The following REN variants were observed in gnomAD, a reference collection of about 807,000 sequenced individuals.
The protein encoded by REN is renin, also known as angiotensin-forming enzyme.
REN carries 42 observed loss-of-function variants against 48.6 expected under a neutral mutation model. The observed-to-expected ratio is 0.86, with a 90% CI of 0.68 to 1.12. The LOEUF is 1.12. REN is among the 50% of genes most tolerant of loss of function. REN has a pLI of 0.00. For missense variants in REN, 443 were observed against 527.3 expected (o/e 0.84, Z 1.57); for synonymous variants, 196 against 204.6 (o/e 0.96, Z 0.36).
At position 204,162,201 on chromosome 1, in the gene REN, T is replaced by C. The variant is rs373643240; in HGVS notation, c.99-38A>G. On this transcript the variant is annotated intron_variant, in intron 1 of 9. Coordinates refer to ENST00000272190, the MANE Select transcript of REN (RefSeq NM_000537.4). Reference sequence around the variant, plus strand: ...GGAGGAAGCAAAAATAGAAAAGTGCTGTACCTCCACCACAGTGGTGGAGTC... The same window carrying C: ...GGAGGAAGCAAAAATAGAAAAGTGCCGTACCTCCACCACAGTGGTGGAGTC... 4.0e-5 allele frequency: 64 copies of C among 1,611,548 alleles called. 2 individuals carry two copies. The African/African-American group carries it at 4.5e-4, about 11-fold the overall frequency.
At position 204,161,839 on chromosome 1, in the gene REN, CT is replaced by C; in HGVS notation, c.249+173del. On this transcript the variant is annotated intron_variant, in intron 2 of 9. Transcript: ENST00000272190. ...GAATGGCCCCTGGATGCCTTCCTGT[CT>C]TCTGTGCTCAGGCTTTCCAGCTGGA... 1.3e-5 allele frequency among the ~76,000 whole-genome samples: 2 copies of C among 152,272 alleles called. 1 individual carries two copies. The highest frequency in any genetic ancestry group is 6.8e-3 in the Middle Eastern group (2 of 294).
At chr1:204,157,400 G>A in intron 5 of REN, 31 bp from the exon 6 acceptor site, 1 of 1,614,232 alleles carries the variant, frequency 6.2e-7, no homozygotes, top group South Asian at 1.1e-5. Context: ...CAGAAAGGAA[G>A]CTTCATTTCA....
At chr1:204,160,708 C>G in intron 3 of REN, 30 bp from the exon 4 acceptor site, 1 of 1,529,230 alleles carries the variant, frequency 6.5e-7, no homozygotes, top group Non-Finnish European at 9.1e-7. Flanking sequence ...TCAGGTTTGT[C>G]CAAGAGTGGC....
In REN at chr1:204,156,098, T is replaced by A. The variant is rs551933300; in HGVS notation, c.960+80A>T. On this transcript the variant is annotated intron_variant, in intron 8 of 9. Coordinates refer to ENST00000272190, the MANE Select transcript of REN (RefSeq NM_000537.4). This position sits in a 1 kb window ranked among gnomAD's most constrained non-coding sequence, Gnocchi z 4.2. ...GAACAAGCGAAGGCCTGAGATGGCC[T>A]CATTTGCCTGGGGGATTTGTGAGCC... The A allele has an allele frequency of 6.2e-7, 1 of 1,601,242 alleles. No individual in the cohort carries two copies. Among genetic ancestry groups the A allele is most frequent in the East Asian group, 2.2e-5 (1 of 44,806 alleles).
intron 2 of REN, 100 bp from the exon 3 acceptor site, chr1:204,161,515 A>T: frequency 8.3e-7 from 1 of 1,201,332 alleles, no homozygotes; most frequent in African/African-American, 1.6e-5. Context: ...GACTTGGCCC[A>T]GGCGAGGTCC....
intron 1 of REN, among the ~76,000 whole-genome samples, chr1:204,164,590 A>G (rs1418131760): frequency 1.6e-5 from 1 of 62,860 alleles, no homozygotes; most frequent in South Asian, 4.6e-4. Flanking sequence ...TTTTTTTTTT[A>G]CATAAGGTCT....
chr1:204,155,995 T>A (rs1658140600), intron 8 of REN, 77 bp from the exon 9 acceptor site: 1 of 1,448,296 alleles, frequency 6.9e-7, no homozygotes, highest in African/African-American at 1.4e-5. Context: ...GCTGGTGGCC[T>A]GGTCTCTCTG....
At chr1:204,159,369 C>G (rs753176377) in intron 5 of REN, 30 bp downstream of exon 5, 11 of 1,601,736 alleles carry the variant, frequency 6.9e-6, no homozygotes, top group Middle Eastern at 3.3e-4. Context: ...CCTGTCCCCC[C>G]ACCTCAGCCC....
At chr1:204,164,224 C>A (rs1022025755) in intron 1 of REN, among the ~76,000 whole-genome samples, 1 of 152,182 alleles carries the variant, frequency 6.6e-6, no homozygotes, top group East Asian at 1.9e-4. Flanking sequence ...TGCTCACAAC[C>A]CAGCAATTAC....
chr1:204,164,392 A>G (rs997261303), intron 1 of REN, among the ~76,000 whole-genome samples: 7 of 152,184 alleles, frequency 4.6e-5, no homozygotes, highest in Non-Finnish European at 1.0e-4. Context: ...GAGATGAGAC[A>G]TGTGAAAAGA....
In REN at chr1:204,155,013, G is replaced by T; in HGVS notation, c.*3C>A. The T allele has an allele frequency of 6.2e-7, 1 of 1,613,706 alleles. No individual in the cohort carries two copies. On this transcript the variant is annotated 3_prime_UTR_variant, in exon 10 of 10. Transcript: ENST00000272190. ...GCAGGGCCTGCCTGGGTGGCAGAGG[G>T]CCTCAGCGGGCCAAGGCGAAGCCAA...
At chr1:204,160,251 G>T (rs1658218460) in intron 4 of REN, among the ~76,000 whole-genome samples, 1 of 152,240 alleles carries the variant, frequency 6.6e-6, no homozygotes, top group Non-Finnish European at 1.5e-5. Context: ...GTGTAGCCCA[G>T]TCAGAGCTGG....
chr1:204,155,912 C>T lies in REN; in HGVS notation c.967G>A (p.Val323Met), dbSNP rs745900131. ...AGTGTAGGGCCCTCGTTACACTTCA[C>T]GACATACTGGGGTGGGGGGCAAAGA... ...GAKKRLFDYV[V>M]KCNEGPTLPD... Residue 323 changes from valine to methionine, a missense_variant, in exon 9 of 10, where the codon GTG becomes ATG. Physicochemically the swap from Val to Met is conservative, Grantham distance 21 (BLOSUM62 1). Transcript: ENST00000272190. 2.5e-6 allele frequency: 4 copies of T among 1,613,272 alleles called. No homozygotes were observed. Among genetic ancestry groups the T allele is most frequent in the Non-Finnish European group, 2.5e-6 (3 of 1,179,476 alleles).
chr1:204,155,617 A>C (rs2102310456), intron 9 of REN, among the ~76,000 whole-genome samples: 1 of 152,280 alleles, frequency 6.6e-6, no homozygotes, highest in East Asian at 1.9e-4. Flanking sequence ...ACTGAACCCC[A>C]GGTGCCACTT....
chr1:204,162,097 C>G lies in REN; in HGVS notation c.165G>C (p.Arg55Ser), dbSNP rs367565954. 3 of 1,614,088 alleles carry G rather than the reference C, an allele frequency of 1.9e-6. No individual in the cohort carries two copies. The highest frequency in any genetic ancestry group is 2.7e-5 in the African/African-American group (2 of 75,010). ...SLKERGVDMA[R>S]LGPEWSQPMK... Reference sequence around the variant, plus strand: ...TGGGTTGGCTCCACTCGGGACCAAGCCTGGCCATGTCCACACCTCGTTCCT... The same window carrying G: ...TGGGTTGGCTCCACTCGGGACCAAGGCTGGCCATGTCCACACCTCGTTCCT... The change falls in exon 2 of 10, where the codon AGG becomes AGC. Residue 55 changes from arginine to serine, a missense_variant. Coordinates refer to ENST00000272190, the MANE Select transcript of REN (RefSeq NM_000537.4).
intron 5 of REN, among the ~76,000 whole-genome samples, chr1:204,157,850 T>C (rs1188340905): frequency 1.3e-5 from 2 of 152,178 alleles, no homozygotes; most frequent in African/African-American, 4.8e-5. Flanking sequence ...TCTCTGGATG[T>C]TCCCTCCTTC....
rs1390596669 is a variant in REN, at chr1:204,164,592, A to G, written c.98+1604T>C. ...TTTTTTTTTTTTTTTTTTTTTTTACATAAGGTCTGGCTCTATCACCCAGGC... is the reference window on the plus strand; with the variant it reads ...TTTTTTTTTTTTTTTTTTTTTTTACGTAAGGTCTGGCTCTATCACCCAGGC... On this transcript the variant is annotated intron_variant, in intron 1 of 9. Transcript: ENST00000272190. Among the ~76,000 whole-genome samples the G allele has an allele frequency of 3.6e-5, 3 of 82,262 alleles. 1 individual carries two copies. Among genetic ancestry groups the G allele is most frequent in the East Asian group, 1.4e-3 (2 of 1,474 alleles). The allele number at this position is 82,262 out of a possible 152,430, so 54.0% of individuals were successfully genotyped here.
In REN at chr1:204,155,676, T is replaced by C. The variant is rs2102310479; in HGVS notation, c.1059+144A>G. ...ATGGGATGTGGCCCAGGTACCAGGA[T>C]TTTTCAAAGCTCTCCAGGTGACATG... On this transcript the variant is annotated intron_variant, in intron 9 of 9. Coordinates refer to ENST00000272190, the MANE Select transcript of REN (RefSeq NM_000537.4). The C allele has an allele frequency of 4.2e-6, 3 of 720,034 alleles. No individual in the cohort carries two copies. The South Asian group carries it at 4.7e-5, about 11-fold the overall frequency. The allele number at this position is 720,034 out of a possible 1,614,324, so 44.6% of individuals were successfully genotyped here. A position where few individuals can be genotyped will look rare whatever the true frequency, so the allele number is the denominator to read the frequency against.
chr1:204,156,364 A>ACAGACAGACAGACAGAC lies in REN; in HGVS notation c.819-46_819-45insGTCTGTCTGTCTGTCTG. On this transcript the variant is annotated intron_variant, in intron 7 of 9. Coordinates refer to ENST00000272190, the MANE Select transcript of REN (RefSeq NM_000537.4). The surrounding 1 kb of genome is among the most constrained non-coding windows in gnomAD (Gnocchi z 4.2). ...GACAGACAGACAGACAGACAGACAG[A>ACAGACAGACAGACAGAC]AGGCTGATGGGGCACCTCCAGGCTG... 1 of 1,601,718 alleles carries ACAGACAGACAGACAGAC rather than the reference A, an allele frequency of 6.2e-7. No individual in the cohort carries two copies. The highest frequency in any genetic ancestry group is 1.1e-5 in the South Asian group (1 of 90,710).
Sources: gnomAD v4.1 joint callset for allele counts (sites outside exome capture counted in the v4.1 genomes callset) on GRCh38, gnomAD v4.1.1 for gene constraint, Gnocchi (gnomAD v3.1) non-coding constraint, MANE v1.5 for transcripts, NCBI Gene and HGNC (gene_info 2026-07-23, HGNC 2026-07-21) for gene names.